MYO10: variants seen among roughly 807,000 people sequenced by gnomAD.
MYO10 encodes unconventional myosin-X.
In MYO10, 133 loss-of-function variants were observed where a neutral mutation model predicts 257.3. The ratio of observed to expected loss-of-function variants is 0.52; its 90% CI spans 0.45 to 0.60. The LOEUF (loss-of-function observed/expected upper bound fraction) is 0.60. MYO10 is among the 20% of genes least tolerant of loss of function. The probability of loss-of-function intolerance (pLI) is 0.00; values close to 1 mark genes in which losing one functional copy is unlikely to be tolerated. For missense variants in MYO10, 2,399 were observed against 2,635.7 expected, an observed-to-expected ratio of 0.91 and a Z score of 1.97; for synonymous variants, 1,104 against 1,028.6, an observed-to-expected ratio of 1.07 and a Z score of -1.40.
chr5:16,735,841 G>GT (rs1268171050), intron 19 of MYO10, among the ~76,000 whole-genome samples: 5 of 152,128 alleles, frequency 3.3e-5, no homozygotes, highest in Admixed American at 3.3e-4. Context: ...CTGTGACACA[G>GT]TAACAGAAAC....
intron 19 of MYO10, among the ~76,000 whole-genome samples, chr5:16,749,484 C>CAA (rs5866205): frequency 1.4e-4 from 11 of 80,666 alleles, no homozygotes; most frequent in East Asian, 3.9e-4. Context: ...GACTCCACCT[C>CAA]AAAAAAAAAA....
chr5:16,784,072 T>C (rs1741502826), intron 4 of MYO10, among the ~76,000 whole-genome samples: 1 of 151,966 alleles, frequency 6.6e-6, no homozygotes, highest in African/African-American at 2.4e-5. Flanking sequence ...CACGTGTTAG[T>C]GATAGTTAAG....
chr5:16,676,011 G>A lies in MYO10; in HGVS notation c.4666+20C>T, dbSNP rs770921963. The stretch of plus-strand genomic sequence containing the variant: ...TGGAATCATGGTCTCTGAGGAGTCG[G>A]GGTGGAGCTCTGGACTTACAGTTGA... On this transcript the variant is annotated intron_variant, in intron 34 of 40. Transcript: ENST00000513610. 1 of 1,599,258 alleles carries A rather than the reference G, an allele frequency of 6.3e-7. No homozygotes were observed. Among genetic ancestry groups the A allele is most frequent in the South Asian group, 1.1e-5 (1 of 88,462 alleles).
At chr5:16,829,503 C>T (rs1440533911) in intron 2 of MYO10, among the ~76,000 whole-genome samples, 1 of 152,184 alleles carries the variant, frequency 6.6e-6, no homozygotes, top group African/African-American at 2.4e-5. Context: ...AGGTTTCTTC[C>T]TGCCGTCATG....
intron 26 of MYO10, among the ~76,000 whole-genome samples, chr5:16,695,601 AG>A (rs1208080752): frequency 6.6e-6 from 1 of 152,112 alleles, no homozygotes; most frequent in Non-Finnish European, 1.5e-5. Flanking sequence ...TATCTTTCAT[AG>A]GATAAAAAAA....
At chr5:16,816,068 C>A (rs902958695) in intron 3 of MYO10, among the ~76,000 whole-genome samples, 3 of 149,326 alleles carry the variant, frequency 2.0e-5, no homozygotes, top group African/African-American at 7.4e-5. Context: ...AAGGGCGGGG[C>A]ACAGTGGCTC....
intron 1 of MYO10, among the ~76,000 whole-genome samples, chr5:16,919,848 C>T (rs941293502): frequency 2.0e-5 from 3 of 152,130 alleles, no homozygotes; most frequent in Non-Finnish European, 4.4e-5. Flanking sequence ...TGTGGTGGCT[C>T]ACACCTGTAA....
intron 1 of MYO10, among the ~76,000 whole-genome samples, chr5:16,895,322 T>C (rs922127361): frequency 5.3e-5 from 8 of 152,162 alleles, no homozygotes; most frequent in African/African-American, 1.9e-4. Flanking sequence ...CTGCAGTGAA[T>C]GGAGAATGGG....
Position 16,763,776 on chromosome 5 carries a change from A to T in MYO10, c.1327-21T>A, listed in dbSNP as rs75125737. On this transcript the variant is annotated intron_variant, in intron 12 of 40. Coordinates refer to ENST00000513610, the MANE Select transcript of MYO10 (RefSeq NM_012334.3). Reference sequence around the variant, plus strand: ...TTAACCTAAGGGGGGAAAGCATTCAATAAGTATCTTTAGTGTACTCACGAT... The same window carrying T: ...TTAACCTAAGGGGGGAAAGCATTCATTAAGTATCTTTAGTGTACTCACGAT... 1.1e-5 allele frequency: 15 copies of T among 1,389,138 alleles called. No individual in the cohort carries two copies. In the South Asian group the frequency reaches 1.8e-4, roughly 17 times the overall value. 86.1% of individuals were successfully genotyped at this position (1,389,138 alleles called of 1,614,324 possible).
chr5:16,837,054 T>C (rs774373736), intron 2 of MYO10, among the ~76,000 whole-genome samples: 37 of 152,172 alleles, frequency 2.4e-4, no homozygotes, highest in Non-Finnish European at 4.9e-4. Context: ...CTCACACCTG[T>C]AATCCCAGTA....
chr5:16,882,752 G>T (rs1744789977), intron 1 of MYO10, among the ~76,000 whole-genome samples: 1 of 152,244 alleles, frequency 6.6e-6, no homozygotes, highest in East Asian at 1.9e-4. Flanking sequence ...CTGGGTGCGG[G>T]AGGGACAGTG....
intron 9 of MYO10, among the ~76,000 whole-genome samples, chr5:16,770,471 C>T (rs529737219): frequency 6.6e-6 from 1 of 152,220 alleles, no homozygotes; most frequent in Admixed American, 6.5e-5. Flanking sequence ...ACAACTGAAG[C>T]CAGGTGTTTT....
intron 1 of MYO10, among the ~76,000 whole-genome samples, chr5:16,932,095 C>T (rs538302528): frequency 3.6e-4 from 55 of 152,286 alleles, no homozygotes; most frequent in African/African-American, 1.3e-3. Flanking sequence ...CCAGAGTGAA[C>T]CAGACTGGAA....
chr5:16,925,691 C>T (rs990889190), intron 1 of MYO10, among the ~76,000 whole-genome samples: 1 of 152,218 alleles, frequency 6.6e-6, no homozygotes, highest in Admixed American at 6.5e-5. Context: ...AGGTAACAGG[C>T]ATGAGCCACC....
intron 1 of MYO10, among the ~76,000 whole-genome samples, chr5:16,889,989 GA>G (rs1185960105): frequency 1.3e-5 from 2 of 151,626 alleles, no homozygotes; most frequent in African/African-American, 4.9e-5. Flanking sequence ...TCTGTTTTCA[GA>G]AAAAATACAC....
At chr5:16,838,663 G>A (rs1743383930) in intron 2 of MYO10, among the ~76,000 whole-genome samples, 1 of 152,182 alleles carries the variant, frequency 6.6e-6, no homozygotes, top group African/African-American at 2.4e-5. Flanking sequence ...TTTCAGTGTG[G>A]ACAAAACAGC....
At chr5:16,751,784 G>C (rs971662755) in intron 19 of MYO10, among the ~76,000 whole-genome samples, 6 of 151,842 alleles carry the variant, frequency 4.0e-5, no homozygotes, top group African/African-American at 1.5e-4. Context: ...CCAGCCTTCT[G>C]AGTGCCTTTA....
intron 35 of MYO10, among the ~76,000 whole-genome samples, chr5:16,674,197 G>A (rs554374576): frequency 5.8e-4 from 88 of 152,324 alleles, no homozygotes; most frequent in African/African-American, 2.0e-3. Context: ...GCCGGGCGCC[G>A]TGGCTAACGC....
At chr5:16,866,633 T>C (rs1243213916) in intron 2 of MYO10, among the ~76,000 whole-genome samples, 1 of 151,704 alleles carries the variant, frequency 6.6e-6, no homozygotes, top group Admixed American at 6.6e-5. Context: ...TTCTTTCCTC[T>C]TGAGAGAAAA....
Sources: gnomAD v4.1 joint callset for allele counts (sites outside exome capture counted in the v4.1 genomes callset) on GRCh38, gnomAD v4.1.1 for gene constraint, MANE v1.5 for transcripts, NCBI Gene and HGNC (gene_info 2026-07-23, HGNC 2026-07-21) for gene names.